The following RABGAP1 variants were observed in gnomAD, a reference collection of about 807,000 sequenced individuals.
RABGAP1 encodes the protein rab GTPase-activating protein 1.
A neutral mutation model predicts 137.6 loss-of-function variants in RABGAP1; 23 were observed. That is an observed-to-expected ratio of 0.17 (90% confidence interval 0.12 to 0.24). The LOEUF (loss-of-function observed/expected upper bound fraction) is 0.24, where lower values mean the gene tolerates loss of function less well. RABGAP1 is among the 10% of genes least tolerant of loss of function. The pLI, the probability that RABGAP1 is intolerant of heterozygous loss-of-function variation, is 1.00. For synonymous variants in RABGAP1, 451 were observed against 450.7 expected (o/e 1.00, Z -0.01); for missense variants, 906 against 1,275.8 (o/e 0.71, Z 4.42).
At chr9:123,011,525 C>T (rs1235989367) in intron 11 of RABGAP1, among the ~76,000 whole-genome samples, 1 of 152,162 alleles carries the variant, frequency 6.6e-6, no homozygotes, top group Non-Finnish European at 1.5e-5. Flanking sequence ...CTACTGTTTG[C>T]TATAACTCCC....
At chr9:123,046,526 G>T (rs1299101907) in intron 13 of RABGAP1, among the ~76,000 whole-genome samples, 2 of 152,186 alleles carry the variant, frequency 1.3e-5, no homozygotes, top group African/African-American at 4.8e-5. Context: ...TGTGAGACCT[G>T]GGGCAAAGTA....
intron 13 of RABGAP1, chr9:123,034,637 C>A: frequency 6.2e-7 from 1 of 1,613,672 alleles, no homozygotes; most frequent in Non-Finnish European, 8.5e-7. Context: ...TATTTGGAAA[C>A]TGTCAATTTT....
intron 1 of RABGAP1, among the ~76,000 whole-genome samples, chr9:122,943,158 T>C (rs1178241769): frequency 4.2e-5 from 6 of 141,402 alleles, no homozygotes; most frequent in Admixed American, 2.9e-4. Context: ...CACTGCAACC[T>C]CCGCCTCCTG....
intron 6 of RABGAP1, among the ~76,000 whole-genome samples, chr9:122,991,919 A>C (rs1836744413): frequency 6.6e-6 from 1 of 152,066 alleles, no homozygotes; most frequent in African/African-American, 2.4e-5. Context: ...TTCTCAAAGC[A>C]ATGCTGTGAG....
chr9:123,010,647 T>C, intron 11 of RABGAP1, 119 bp downstream of exon 11: 1 of 974,968 alleles, frequency 1.0e-6, no homozygotes, highest in Non-Finnish European at 1.5e-6. Context: ...ATGAATTCCT[T>C]ATGAGAGTTT....
the RABGAP1 span, among the ~76,000 whole-genome samples, chr9:122,934,766 C>CT: frequency 2.0e-5 from 3 of 152,170 alleles, no homozygotes; most frequent in East Asian, 5.8e-4. Flanking sequence ...ACCGCAGTCT[C>CT]TGTCTCATGG....
chr9:123,060,346 C>T (rs2033920452), intron 13 of RABGAP1, among the ~76,000 whole-genome samples: 1 of 152,132 alleles, frequency 6.6e-6, no homozygotes, highest in Admixed American at 6.5e-5. Context: ...TGGGCTTTTG[C>T]TCAACATAAT....
chr9:123,045,440 A>G (rs2033162159), intron 13 of RABGAP1, among the ~76,000 whole-genome samples: 1 of 152,188 alleles, frequency 6.6e-6, no homozygotes, highest in African/African-American at 2.4e-5. Context: ...GTAGGAATCT[A>G]AGTCATTCCT....
At chr9:123,067,251 G>A (rs1280703839) in intron 14 of RABGAP1, among the ~76,000 whole-genome samples, 2 of 152,182 alleles carry the variant, frequency 1.3e-5, no homozygotes, top group African/African-American at 4.8e-5. Context: ...TCTAGGTTGA[G>A]TTAGATATGA....
chr9:123,082,573 T>G (rs2034743339), intron 19 of RABGAP1, among the ~76,000 whole-genome samples: 1 of 152,234 alleles, frequency 6.6e-6, no homozygotes. Context: ...GAGGCTAGTT[T>G]AGAAGACCCA....
intron 21 of RABGAP1, among the ~76,000 whole-genome samples, chr9:123,091,804 C>T (rs2035039502): frequency 6.6e-6 from 1 of 152,100 alleles, no homozygotes; most frequent in South Asian, 2.1e-4. Flanking sequence ...GGCTTTTTGG[C>T]TTACCACAGT....
At chr9:122,996,775 C>T (rs1837041179) in intron 8 of RABGAP1, among the ~76,000 whole-genome samples, 170 bp downstream of exon 8, 1 of 152,136 alleles carries the variant, frequency 6.6e-6, no homozygotes, top group African/African-American at 2.4e-5. Context: ...TAGCTATTTA[C>T]AAGTCTGACT....
intron 11 of RABGAP1, among the ~76,000 whole-genome samples, chr9:123,015,203 A>G (rs1310438359): frequency 6.6e-6 from 1 of 150,806 alleles, no homozygotes; most frequent in Non-Finnish European, 1.5e-5. Context: ...AATAAGACAT[A>G]TATTTTCATG....
At chr9:122,941,350 CT>C (rs1302190395) in intron 1 of RABGAP1, among the ~76,000 whole-genome samples, 1 of 152,252 alleles carries the variant, frequency 6.6e-6, no homozygotes, top group Non-Finnish European at 1.5e-5. Flanking sequence ...CCGGTTCCCC[CT>C]GTCTGTGTGG....
At chr9:123,015,437 T>C in intron 11 of RABGAP1, 106 bp from the exon 12 acceptor site, 1 of 638,340 alleles carries the variant, frequency 1.6e-6, no homozygotes, top group Non-Finnish European at 2.7e-6. Context: ...AATTATGACT[T>C]TATGCTCCCA....
intron 21 of RABGAP1, among the ~76,000 whole-genome samples, chr9:123,093,970 A>G (rs2035106790): frequency 6.6e-6 from 1 of 152,160 alleles, no homozygotes; most frequent in Non-Finnish European, 1.5e-5. Context: ...AATGTTTTTT[A>G]GTGTTCAATT....
In RABGAP1 at chr9:123,010,217, T is replaced by C. The variant is rs375149397; in HGVS notation, c.1375-137T>C. 7 of 736,000 alleles carry C rather than the reference T, an allele frequency of 9.5e-6. No homozygotes were observed. In the African/African-American group the frequency reaches 1.1e-4, roughly 11 times the overall value. The allele number at this position is 736,000 out of a possible 1,614,324, so 45.6% of individuals were successfully genotyped here. On this transcript the variant is annotated intron_variant, in intron 10 of 25. Transcript: ENST00000373647. ...TAGATACTCAAAAAAACATCATTTA[T>C]TTTCACATCCTGTATGAAATCAGAA...
chr9:122,989,294 C>T lies in RABGAP1; in HGVS notation c.591-3C>T. 1 of 1,610,180 alleles carries T rather than the reference C, an allele frequency of 6.2e-7. No homozygotes were observed. Among genetic ancestry groups the T allele is most frequent in the Non-Finnish European group, 8.5e-7 (1 of 1,177,010 alleles). On this transcript the variant is annotated splice_region_variant and splice_polypyrimidine_tract_variant and intron_variant, in intron 4 of 25. Coordinates refer to ENST00000373647, the MANE Select transcript of RABGAP1 (RefSeq NM_012197.4). ...ATCTCTCTGTATCTTTTTCTCTGAA[C>T]AGACTCTTAGATCCTCAGACAAACA...
chr9:123,037,893 G>A (rs970030212), intron 13 of RABGAP1, among the ~76,000 whole-genome samples: 1 of 152,076 alleles, frequency 6.6e-6, no homozygotes, highest in South Asian at 2.1e-4. Context: ...TTAAATACCA[G>A]TCTGACTTCA....
Sources: gnomAD v4.1 joint callset for allele counts (sites outside exome capture counted in the v4.1 genomes callset) on GRCh38, gnomAD v4.1.1 for gene constraint, MANE v1.5 for transcripts, NCBI Gene and HGNC (gene_info 2026-07-23, HGNC 2026-07-21) for gene names.